The following UNC13C variants were observed in gnomAD, a reference collection of about 807,000 sequenced individuals.
UNC13C encodes unc-13 homolog C, also known as protein unc-13 homolog C.
UNC13C carries 174 observed loss-of-function variants against 245.4 expected under a neutral mutation model. That is an observed-to-expected ratio of 0.71 (90% CI 0.63 to 0.80). UNC13C has a LOEUF of 0.80. Among genes scored for constraint, UNC13C ranks in the 30% least tolerant of loss-of-function variants. The pLI is 0.00. For synonymous variants in UNC13C, 992 were observed against 895.1 expected (o/e 1.11, Z -1.93); for missense variants, 2,829 against 2,602.9 (o/e 1.09, Z -1.89).
the UNC13C span, among the ~76,000 whole-genome samples, chr15:53,886,419 C>T: frequency 6.6e-6 from 1 of 152,052 alleles, no homozygotes; most frequent in African/African-American, 2.4e-5. Context: ...ATGGCCAAAG[C>T]TAGAAAAAGG....
rs71824258 is a variant in UNC13C at position 54,130,287 on chromosome 15, A to ATTTTTTT, written c.2984-12716_2984-12710dup. Among the ~76,000 whole-genome samples the ATTTTTTT allele has an allele frequency of 8.0e-4, 65 of 81,270 alleles. 1 individual carries two copies. The highest frequency in any genetic ancestry group is 1.0e-3 in the Non-Finnish European group (45 of 44,908). The allele number at this position is 81,270 out of a possible 152,430, so 53.3% of individuals were successfully genotyped here. On this transcript the variant is annotated intron_variant, in intron 2 of 32. Transcript: ENST00000260323. ...TTCTTCGTGGCCAGGTAGATAATTA[A>ATTTTTTT]TTTTTTTTTTTTTTTTTTTTTGTGA...
intron 10 of UNC13C, among the ~76,000 whole-genome samples, chr15:54,279,177 C>A (rs898112308): frequency 2.0e-5 from 3 of 152,172 alleles, no homozygotes; most frequent in Admixed American, 6.5e-5. Context: ...AGTGACTTGG[C>A]ATTTTCAAAA....
At chr15:53,943,536 G>T in the UNC13C span, among the ~76,000 whole-genome samples, 4 of 152,112 alleles carry the variant, frequency 2.6e-5, no homozygotes, top group African/African-American at 7.2e-5. Flanking sequence ...TGGAAGAACT[G>T]ATATTTTGTT....
At chr15:54,279,378 A>G (rs941758342) in intron 10 of UNC13C, among the ~76,000 whole-genome samples, 10 of 152,192 alleles carry the variant, frequency 6.6e-5, no homozygotes, top group African/African-American at 9.6e-5. Context: ...TTCCTTGGTG[A>G]TTAGTACAAT....
chr15:54,485,984 G>T (rs1239866246), intron 19 of UNC13C, among the ~76,000 whole-genome samples: 1 of 151,896 alleles, frequency 6.6e-6, no homozygotes, highest in Non-Finnish European at 1.5e-5. Flanking sequence ...TTTTTTTCCA[G>T]AACACATACC....
At chr15:54,361,149 A>G (rs2140864023) in intron 17 of UNC13C, among the ~76,000 whole-genome samples, 1 of 150,980 alleles carries the variant, frequency 6.6e-6, no homozygotes, top group Non-Finnish European at 1.5e-5. Context: ...GGACTTCTTT[A>G]CTCTTTTCTA....
intron 16 of UNC13C, among the ~76,000 whole-genome samples, chr15:54,336,750 G>A (rs1292344135): frequency 6.6e-6 from 1 of 151,784 alleles, no homozygotes; most frequent in Non-Finnish European, 1.5e-5. Context: ...CCATTGAATT[G>A]CTTTCATATT....
chr15:53,959,302 A>T, the UNC13C span, among the ~76,000 whole-genome samples: 21 of 151,866 alleles, frequency 1.4e-4, no homozygotes, highest in East Asian at 3.9e-3. Flanking sequence ...TCTTGTATAT[A>T]TTCTCAGCAG....
chr15:54,604,389 GGAAA>G (rs68112234), intron 30 of UNC13C, among the ~76,000 whole-genome samples: 91,318 of 151,510 alleles, frequency 0.6, 27,888 homozygotes, highest in Middle Eastern at 0.69. Context: ...CCTTAAACCA[GGAAA>G]GAAAGAAAGA....
chr15:54,199,955 T>C (rs2034470862), intron 4 of UNC13C, among the ~76,000 whole-genome samples: 1 of 151,920 alleles, frequency 6.6e-6, no homozygotes, highest in African/African-American at 2.4e-5. Flanking sequence ...TGATAACAAA[T>C]AAGGACTCAT....
intron 4 of UNC13C, among the ~76,000 whole-genome samples, chr15:54,223,784 C>A (rs1025347260): frequency 2.0e-5 from 3 of 151,916 alleles, no homozygotes; most frequent in African/African-American, 2.4e-5. Flanking sequence ...GAATATTTTT[C>A]TGTTTTTTGG....
intron 4 of UNC13C, among the ~76,000 whole-genome samples, chr15:54,151,206 A>G (rs1057321727): frequency 6.6e-6 from 1 of 152,140 alleles, no homozygotes; most frequent in Non-Finnish European, 1.5e-5. Context: ...CCTCACACAT[A>G]TATAAGAAAC....
chr15:54,608,504 G>A (rs898639414), intron 30 of UNC13C, among the ~76,000 whole-genome samples: 12 of 152,144 alleles, frequency 7.9e-5, no homozygotes, highest in African/African-American at 2.9e-4. Context: ...TTCTCTGAAG[G>A]TACAGGATGT....
intron 2 of UNC13C, among the ~76,000 whole-genome samples, chr15:54,141,538 G>A (rs2032019301): frequency 6.6e-6 from 1 of 151,910 alleles, no homozygotes; most frequent in Non-Finnish European, 1.5e-5. Context: ...AGGAGGTTTT[G>A]AACAACTAGA....
chr15:54,332,291 A>G (rs2038457135), intron 15 of UNC13C, among the ~76,000 whole-genome samples, 180 bp downstream of exon 15: 1 of 144,770 alleles, frequency 6.9e-6, no homozygotes, highest in African/African-American at 2.7e-5. Context: ...CCCCACGTAG[A>G]CTACAACAAT....
intron 29 of UNC13C, among the ~76,000 whole-genome samples, chr15:54,564,747 C>T (rs1897436404): frequency 6.6e-6 from 1 of 152,100 alleles, no homozygotes; most frequent in East Asian, 1.9e-4. Flanking sequence ...TCACACAGAT[C>T]TCTTTACCAC....
chr15:53,964,200 T>C, the UNC13C span, among the ~76,000 whole-genome samples: 1 of 152,116 alleles, frequency 6.6e-6, no homozygotes, highest in East Asian at 1.9e-4. Context: ...TATATCTACC[T>C]TTTCATTCTA....
chr15:53,871,633 T>G, the UNC13C span, among the ~76,000 whole-genome samples: 3 of 152,092 alleles, frequency 2.0e-5, no homozygotes. Flanking sequence ...AGCGAATAAA[T>G]GAATGAGGTG....
chr15:54,527,893 C>G (rs1330282225), intron 25 of UNC13C, among the ~76,000 whole-genome samples: 2 of 152,086 alleles, frequency 1.3e-5, no homozygotes, highest in African/African-American at 4.8e-5. Context: ...CTCACACTAC[C>G]AATCAGGTCT....
Sources: gnomAD v4.1 joint callset for allele counts (sites outside exome capture counted in the v4.1 genomes callset) on GRCh38, gnomAD v4.1.1 for gene constraint, MANE v1.5 for transcripts, NCBI Gene and HGNC (gene_info 2026-07-23, HGNC 2026-07-21) for gene names.